The following GPC6 variants were observed in gnomAD, a reference collection of about 807,000 sequenced individuals.
The protein encoded by GPC6 is glypican-6.
GPC6 carries 14 observed loss-of-function variants against 55.2 expected under a neutral mutation model. That is an observed-to-expected ratio of 0.25 (90% CI 0.17 to 0.40). The LOEUF is 0.40. Among genes scored for constraint, GPC6 ranks in the 10% least tolerant of loss-of-function variants. GPC6 has a pLI of 1.00. For synonymous variants in GPC6, 278 were observed against 259.6 expected, an observed-to-expected ratio of 1.07 and a Z score of -0.68; for missense variants, 641 against 708.5, an observed-to-expected ratio of 0.90 and a Z score of 1.08.
intron 3 of GPC6, among the ~76,000 whole-genome samples, chr13:93,976,708 G>T (rs1880533856): frequency 6.6e-6 from 1 of 151,654 alleles, no homozygotes. Context: ...GGCCATCTCA[G>T]TTCTGGTAGG....
At chr13:94,116,198 GAACTTCATGTATCTT>G (rs1189375479) in intron 4 of GPC6, among the ~76,000 whole-genome samples, 5 of 152,056 alleles carry the variant, frequency 3.3e-5, no homozygotes, top group Admixed American at 6.6e-5. Context: ...TGGATGCTGG[GAACTTCATGTATCTT>G]AACTCCTTTA....
intron 1 of GPC6, among the ~76,000 whole-genome samples, chr13:93,419,306 A>T (rs578066554): frequency 5.3e-4 from 80 of 151,982 alleles, no homozygotes; most frequent in African/African-American, 1.9e-3. Flanking sequence ...ACTTGTAAAT[A>T]ACTTTGAGTG....
intron 1 of GPC6, among the ~76,000 whole-genome samples, chr13:93,256,515 G>T (rs1594055726): frequency 6.6e-6 from 1 of 152,044 alleles, no homozygotes; most frequent in African/African-American, 2.4e-5. Flanking sequence ...ACTCTGAAAG[G>T]CAGGATCAGG....
At chr13:93,271,070 AG>A (rs1877506624) in intron 1 of GPC6, among the ~76,000 whole-genome samples, 1 of 152,202 alleles carries the variant, frequency 6.6e-6, no homozygotes, top group South Asian at 2.1e-4. Context: ...TTCAAGGGGC[AG>A]GGAGTGTTTG....
intron 2 of GPC6, among the ~76,000 whole-genome samples, chr13:93,810,843 C>T (rs1370262830): frequency 6.6e-6 from 1 of 152,160 alleles, no homozygotes; most frequent in Non-Finnish European, 1.5e-5. Context: ...TATGTAGATA[C>T]ATATGTATAT....
chr13:93,511,774 T>C (rs1880987935), intron 1 of GPC6, among the ~76,000 whole-genome samples: 1 of 152,148 alleles, frequency 6.6e-6, no homozygotes, highest in African/African-American at 2.4e-5. Context: ...ATGGTCATTT[T>C]AATGATATTG....
At chr13:93,439,722 A>AATAAAATAAAATAAAATAAAAATT (rs1393716956) in intron 1 of GPC6, among the ~76,000 whole-genome samples, 1 of 150,752 alleles carries the variant, frequency 6.6e-6, no homozygotes, top group African/African-American at 2.5e-5. Flanking sequence ...AATAAAATAA[A>AATAAAATAAAATAAAATAAAAATT]ACACCAAGCT....
In GPC6 at chr13:93,889,642, A is replaced by G. The variant is rs147606895; in HGVS notation, c.711+59097A>G. On this transcript the variant is annotated intron_variant, in intron 3 of 8. Transcript: ENST00000377047. ...AATGAAGCTGAATTTGTCAAAGAGA[A>G]TAAGACTTTCATTTTCCATTGAGCA... is the stretch of plus-strand genomic sequence containing the variant. 2.0e-3 allele frequency among the ~76,000 whole-genome samples: 311 copies of G among 152,266 alleles called. 3 individuals are homozygous for G. Among genetic ancestry groups the G allele is most frequent in the Admixed American group, 0.016 (250 of 15,264 alleles).
At chr13:93,232,545 T>A (rs1876096014) in intron 1 of GPC6, among the ~76,000 whole-genome samples, 1 of 152,184 alleles carries the variant, frequency 6.6e-6, no homozygotes, top group African/African-American at 2.4e-5. Flanking sequence ...CAAGAGTTCA[T>A]TTGAGTTGAC....
chr13:93,756,970 T>A (rs930175733), intron 2 of GPC6, among the ~76,000 whole-genome samples: 4 of 152,190 alleles, frequency 2.6e-5, no homozygotes, highest in African/African-American at 9.6e-5. Context: ...TGTGAAAATA[T>A]ACTCTAATTG....
chr13:93,557,058 A>G (rs1875521060), intron 2 of GPC6, among the ~76,000 whole-genome samples: 1 of 152,212 alleles, frequency 6.6e-6, no homozygotes, highest in Non-Finnish European at 1.5e-5. Context: ...CTGATCTCTA[A>G]GGAATCTGGG....
chr13:93,802,112 A>G (rs1014517744), intron 2 of GPC6, among the ~76,000 whole-genome samples: 1 of 152,130 alleles, frequency 6.6e-6, no homozygotes, highest in Admixed American at 6.6e-5. Flanking sequence ...ATTAATTATG[A>G]CAGTTGTTTT....
intron 1 of GPC6, among the ~76,000 whole-genome samples, chr13:93,300,061 C>G (rs879108357): frequency 2.0e-5 from 3 of 152,164 alleles, no homozygotes; most frequent in Admixed American, 2.0e-4. Flanking sequence ...AGTGAGCCTG[C>G]AGGGCAGAGA....
chr13:93,314,757 GCA>G (rs1463281279), intron 1 of GPC6, among the ~76,000 whole-genome samples: 7 of 150,798 alleles, frequency 4.6e-5, no homozygotes, highest in South Asian at 2.1e-4. Context: ...GTGTGTGTGT[GCA>G]CGCATGTGCT....
At position 93,650,862 on chromosome 13, in the gene GPC6, A is replaced by G. The variant is rs1035262877; in HGVS notation, c.319+105441A>G. Among the ~76,000 whole-genome samples the G allele has an allele frequency of 8.4e-5, 10 of 119,362 alleles. No homozygotes were observed. The South Asian group carries it at 2.3e-3, about 27-fold the overall frequency. The allele number at this position is 119,362 out of a possible 152,430, so 78.3% of individuals were successfully genotyped here. A position where few individuals can be genotyped will look rare whatever the true frequency, so the allele number is the denominator to read the frequency against. On this transcript the variant is annotated intron_variant, in intron 2 of 8. Coordinates refer to ENST00000377047, the MANE Select transcript of GPC6 (RefSeq NM_005708.5). ...CTCAGACCTGTCATCGTTTTCCTCA[A>G]AATCACATTTTTTTTTTAACCTGCT...
chr13:93,435,828 G>A (rs1877550719), intron 1 of GPC6, among the ~76,000 whole-genome samples: 2 of 152,152 alleles, frequency 1.3e-5, no homozygotes, highest in South Asian at 4.1e-4. Flanking sequence ...ATTCTTGGAT[G>A]AGCAGATTTC....
intron 4 of GPC6, among the ~76,000 whole-genome samples, chr13:94,071,029 A>T (rs1308084833): frequency 6.6e-6 from 1 of 152,214 alleles, no homozygotes; most frequent in African/African-American, 2.4e-5. Flanking sequence ...ATTATGATTG[A>T]GCATTGTAAT....
At chr13:93,328,149 C>A (rs1350518880) in intron 1 of GPC6, among the ~76,000 whole-genome samples, 3 of 151,932 alleles carry the variant, frequency 2.0e-5, no homozygotes, top group African/African-American at 7.3e-5. Context: ...CCTCAGGAAC[C>A]TATCTGAAGA....
At chr13:93,818,489 C>A (rs564670374) in intron 2 of GPC6, 1 of 152,276 alleles carries the variant, frequency 6.6e-6, no homozygotes, top group African/African-American at 2.4e-5. Flanking sequence ...ACTGGCATTC[C>A]TTTTCCCCTG....
Sources: gnomAD v4.1 joint callset for allele counts (sites outside exome capture counted in the v4.1 genomes callset) on GRCh38, gnomAD v4.1.1 for gene constraint, MANE v1.5 for transcripts, NCBI Gene and HGNC (gene_info 2026-07-23, HGNC 2026-07-21) for gene names.